The following CTNNA3 variants were observed in gnomAD, a reference collection of about 807,000 sequenced individuals.
CTNNA3 encodes catenin alpha-3.
A neutral mutation model predicts 95.7 loss-of-function variants in CTNNA3; 76 were observed. The ratio of observed to expected loss-of-function variants is 0.79; its 90% CI spans 0.66 to 0.96. The LOEUF is 0.96. Ranked by LOEUF, CTNNA3 falls within the 40% of genes least tolerant of loss-of-function variation. The pLI is 0.00. For missense variants in CTNNA3, 1,191 were observed against 1,089.8 expected, an observed-to-expected ratio of 1.09 and a Z score of -1.31; for synonymous variants, 431 against 374.4, an observed-to-expected ratio of 1.15 and a Z score of -1.74.
chr10:66,250,597 A>G (rs915754342), intron 13 of CTNNA3, among the ~76,000 whole-genome samples: 1 of 152,144 alleles, frequency 6.6e-6, no homozygotes, highest in Non-Finnish European at 1.5e-5. Context: ...TTTGAACGGC[A>G]GGAGCAAAAT....
intron 7 of CTNNA3, among the ~76,000 whole-genome samples, chr10:66,815,274 A>C (rs999948572): frequency 6.6e-6 from 1 of 152,262 alleles, no homozygotes; most frequent in South Asian, 2.1e-4. Context: ...GAATTTCAGT[A>C]AGAACAGCAA....
At position 67,555,661 on chromosome 10, in the gene CTNNA3, C is replaced by T. The variant is rs181058955; in HGVS notation, c.293-15992G>A. 5.0e-3 allele frequency among the ~76,000 whole-genome samples: 768 copies of T among 152,216 alleles called. 10 individuals are homozygous for T. The highest frequency in any genetic ancestry group is 0.014 in the Middle Eastern group (4 of 294). On this transcript the variant is annotated intron_variant, in intron 3 of 17. Transcript: ENST00000433211. ...AGCTTAAGGAGATTTTGGGCTGAGACGATGGGGTTTTCTAGATATACTATC... is the reference window on the plus strand; with the variant it reads ...AGCTTAAGGAGATTTTGGGCTGAGATGATGGGGTTTTCTAGATATACTATC...
chr10:66,588,715 C>A (rs1190470665), intron 10 of CTNNA3, among the ~76,000 whole-genome samples: 1 of 152,000 alleles, frequency 6.6e-6, no homozygotes, highest in African/African-American at 2.4e-5. Flanking sequence ...GGAAGAATAC[C>A]AGCATATTTG....
chr10:66,845,445 C>T (rs997011922), intron 7 of CTNNA3, among the ~76,000 whole-genome samples: 8 of 151,202 alleles, frequency 5.3e-5, no homozygotes, highest in South Asian at 2.1e-4. Flanking sequence ...GGCTCACGCC[C>T]GTAATCCCAG....
At chr10:66,221,016 A>G (rs2088899791) in intron 13 of CTNNA3, among the ~76,000 whole-genome samples, 1 of 152,164 alleles carries the variant, frequency 6.6e-6, no homozygotes, top group Admixed American at 6.5e-5. Flanking sequence ...GCCCGCTTCT[A>G]CCCAGTATTT....
At chr10:66,872,280 G>A (rs1324227658) in intron 7 of CTNNA3, among the ~76,000 whole-genome samples, 3 of 152,140 alleles carry the variant, frequency 2.0e-5, no homozygotes, top group East Asian at 1.9e-4. Context: ...ACTCACAGAG[G>A]TTAAAAACTT....
intron 6 of CTNNA3, among the ~76,000 whole-genome samples, chr10:67,212,588 T>C (rs772520977): frequency 1.3e-5 from 2 of 151,976 alleles, no homozygotes; most frequent in African/African-American, 4.8e-5. Flanking sequence ...AAGTTTACTG[T>C]AGAATTTTAC....
intron 7 of CTNNA3, among the ~76,000 whole-genome samples, chr10:67,118,250 T>C (rs1181514423): frequency 6.6e-6 from 1 of 151,996 alleles, no homozygotes; most frequent in African/African-American, 2.4e-5. Flanking sequence ...AATGGCACTG[T>C]TGGAAAAGAG....
At chr10:66,368,135 T>C (rs2092727075) in intron 12 of CTNNA3, among the ~76,000 whole-genome samples, 1 of 151,852 alleles carries the variant, frequency 6.6e-6, no homozygotes, top group Non-Finnish European at 1.5e-5. Flanking sequence ...TCTACACAAG[T>C]TACATTTCTG....
intron 7 of CTNNA3, among the ~76,000 whole-genome samples, chr10:66,809,465 G>T (rs7350441): frequency 0.85 from 129,866 of 152,146 alleles, 55,964 homozygotes; most frequent in East Asian, 1. Flanking sequence ...ATTTTTCTTG[G>T]ATCTGGGATC....
At chr10:67,333,255 G>T (rs865903198) in intron 5 of CTNNA3, among the ~76,000 whole-genome samples, 2 of 152,186 alleles carry the variant, frequency 1.3e-5, no homozygotes, top group South Asian at 4.1e-4. Flanking sequence ...ACAGAACTAA[G>T]ACTAAAATGG....
At chr10:66,894,674 T>C (rs1267815501) in intron 7 of CTNNA3, among the ~76,000 whole-genome samples, 4 of 152,108 alleles carry the variant, frequency 2.6e-5, no homozygotes, top group South Asian at 4.1e-4. Context: ...TGTGAATGTA[T>C]ATTTTAATTA....
intron 12 of CTNNA3, among the ~76,000 whole-genome samples, chr10:66,358,884 T>C (rs1317777208): frequency 6.6e-6 from 1 of 152,184 alleles, no homozygotes; most frequent in Non-Finnish European, 1.5e-5. Context: ...ACAAAACTTA[T>C]AAAACTTACA....
intron 17 of CTNNA3, among the ~76,000 whole-genome samples, chr10:65,949,373 T>TA (rs1231778371): frequency 1.3e-5 from 2 of 152,188 alleles, no homozygotes; most frequent in Admixed American, 1.3e-4. Flanking sequence ...GTTGGGAGGA[T>TA]AGAGAATATA....
At chr10:67,068,923 G>A (rs1856262279) in intron 7 of CTNNA3, among the ~76,000 whole-genome samples, 1 of 152,064 alleles carries the variant, frequency 6.6e-6, no homozygotes, top group Admixed American at 6.6e-5. Flanking sequence ...AGCTGGGCCT[G>A]GTGGCAGGTA....
chr10:66,285,338 G>C (rs1180547603), intron 12 of CTNNA3, among the ~76,000 whole-genome samples: 2 of 151,832 alleles, frequency 1.3e-5, no homozygotes, highest in South Asian at 4.1e-4. Flanking sequence ...ATTAGCCTGA[G>C]TGTCCACCTT....
intron 5 of CTNNA3, among the ~76,000 whole-genome samples, chr10:67,490,877 G>A (rs1427726190): frequency 6.6e-6 from 1 of 151,976 alleles, no homozygotes; most frequent in Non-Finnish European, 1.5e-5. Flanking sequence ...GGGAAAATCA[G>A]AATCCAGTAA....
chr10:66,082,469 T>C (rs2080802469), intron 14 of CTNNA3, among the ~76,000 whole-genome samples: 1 of 152,094 alleles, frequency 6.6e-6, no homozygotes, highest in Non-Finnish European at 1.5e-5. Flanking sequence ...AATACCATAC[T>C]CTAGAGGGGA....
At chr10:67,242,938 G>A (rs1469445727) in intron 5 of CTNNA3, among the ~76,000 whole-genome samples, 1 of 152,196 alleles carries the variant, frequency 6.6e-6, no homozygotes, top group Non-Finnish European at 1.5e-5. Context: ...GGGTATTAAT[G>A]AAGTTAAATG....
Sources: gnomAD v4.1 joint callset for allele counts (sites outside exome capture counted in the v4.1 genomes callset) on GRCh38, gnomAD v4.1.1 for gene constraint, MANE v1.5 for transcripts, NCBI Gene and HGNC (gene_info 2026-07-23, HGNC 2026-07-21) for gene names.